DCDC1: variants seen among roughly 807,000 people sequenced by gnomAD.
DCDC1 encodes the protein doublecortin domain-containing protein 1.
In DCDC1, 200 loss-of-function variants were observed where a neutral mutation model predicts 178.3. That is an observed-to-expected ratio of 1.12 (90% CI 1.00 to 1.26). The LOEUF is 1.26. DCDC1 is among the 50% of genes most tolerant of loss of function. The pLI is 0.00. For missense variants in DCDC1, 1,983 were observed against 1,749.2 expected, an observed-to-expected ratio of 1.13 and a Z score of -2.38; for synonymous variants, 690 against 604.8, an observed-to-expected ratio of 1.14 and a Z score of -2.07.
intron 9 of DCDC1, among the ~76,000 whole-genome samples, chr11:31,212,679 A>G (rs976310896): frequency 6.6e-6 from 1 of 152,202 alleles, no homozygotes; most frequent in African/African-American, 2.4e-5. Context: ...AAAACGGTAT[A>G]TTAATTTATC....
intron 7 of DCDC1, among the ~76,000 whole-genome samples, chr11:31,275,309 C>A (rs2137216644): frequency 6.6e-6 from 1 of 152,198 alleles, no homozygotes; most frequent in East Asian, 1.9e-4. Context: ...AGTACCAGAG[C>A]ACTGACTTTT....
intron 20 of DCDC1, among the ~76,000 whole-genome samples, chr11:31,041,527 A>G (rs1954447113): frequency 6.6e-6 from 1 of 152,216 alleles, no homozygotes; most frequent in Admixed American, 6.5e-5. Context: ...GAAAAAGTGG[A>G]GACAGAAAGA....
At chr11:31,265,343 T>C (rs1055714784) in intron 8 of DCDC1, among the ~76,000 whole-genome samples, 164 bp downstream of exon 8, 1 of 152,108 alleles carries the variant, frequency 6.6e-6, no homozygotes, top group Admixed American at 6.6e-5. Flanking sequence ...ATTCCTAAAA[T>C]CTTAATGTCC....
In DCDC1 at chr11:30,949,965, G is replaced by T. The variant is rs1016625266; in HGVS notation, c.2715+2480C>A. 2.0e-5 allele frequency among the ~76,000 whole-genome samples: 3 copies of T among 152,194 alleles called. No individual in the cohort carries two copies. In the East Asian group the frequency reaches 5.8e-4, roughly 29 times the overall value. ...AAGTGTATACCCATTTAACAACCCT[G>T]CACGTTGTGTACCTGTACCCCAGAA... On this transcript the variant is annotated intron_variant, in intron 21 of 38. Transcript: ENST00000684477.
At position 30,892,256 on chromosome 11, in the gene DCDC1, A is replaced by C. The variant is rs551047166; in HGVS notation, c.5082+562T>G. ...ATCCTCTTTCCTTAGTCAATACTTT[A>C]ACTTTGGGAAGTGAGAATTCTGAGA... On this transcript the variant is annotated intron_variant, in intron 36 of 38. Transcript: ENST00000684477. Among the ~76,000 whole-genome samples, 7 of 152,300 alleles carry C rather than the reference A, an allele frequency of 4.6e-5. No individual in the cohort carries two copies. The East Asian group carries it at 9.6e-4, about 21-fold the overall frequency.
chr11:31,172,060 A>C (rs1411114775), intron 9 of DCDC1, among the ~76,000 whole-genome samples: 7 of 152,158 alleles, frequency 4.6e-5, no homozygotes, highest in African/African-American at 1.7e-4. Flanking sequence ...TGAATGAAAA[A>C]ACTGATGGTC....
chr11:30,915,172 C>T (rs373756361), intron 27 of DCDC1, among the ~76,000 whole-genome samples: 4 of 152,122 alleles, frequency 2.6e-5, no homozygotes, highest in East Asian at 1.9e-4. Flanking sequence ...AAATTGGGGA[C>T]GTTTTAGAAT....
At chr11:31,284,262 TAA>T (rs1946663621) in intron 7 of DCDC1, among the ~76,000 whole-genome samples, 2 of 152,176 alleles carry the variant, frequency 1.3e-5, no homozygotes, top group Non-Finnish European at 2.9e-5. Flanking sequence ...AAAGTAATAT[TAA>T]GAGAAGTTTT....
chr11:30,893,057 A>C, intron 35 of DCDC1, 60 bp from the exon 36 acceptor site: 1 of 1,559,628 alleles, frequency 6.4e-7, no homozygotes, highest in South Asian at 1.2e-5. Context: ...GTGTTTGTGA[A>C]GAATGTGATA....
rs758769469 is a variant in DCDC1, at chr11:30,938,609, TC to T, written c.2716-6658del. 2.0e-5 allele frequency among the ~76,000 whole-genome samples: 3 copies of T among 152,060 alleles called. No individual in the cohort carries two copies. In the South Asian group the frequency reaches 6.2e-4, roughly 32 times the overall value. ...TTGATCCAGCAGAGAGCATAACCCA[TC>T]TCTTCTTGTGAGGATGGGGTTTTAT... On this transcript the variant is annotated intron_variant, in intron 21 of 38. Coordinates refer to ENST00000684477, the MANE Select transcript of DCDC1 (RefSeq NM_001387274.1).
chr11:31,260,200 C>A (rs1346895474), intron 8 of DCDC1, among the ~76,000 whole-genome samples: 1 of 152,120 alleles, frequency 6.6e-6, no homozygotes, highest in Non-Finnish European at 1.5e-5. Context: ...TTTCTTTGCA[C>A]TTTAACTTGA....
rs933545323 is a variant in DCDC1, at chr11:31,046,005, CAT to C, written c.2591+18462_2591+18463del. ...AGATGTCACTAGTTATGCATGCACT[CAT>C]GTGTGTGTGTTTGCATGTGTGTGTA... On this transcript the variant is annotated intron_variant, in intron 20 of 38. Transcript: ENST00000684477. 1.4e-4 allele frequency among the ~76,000 whole-genome samples: 21 copies of C among 152,244 alleles called. No homozygotes were observed. In the South Asian group the frequency reaches 3.5e-3, roughly 26 times the overall value.
At chr11:30,979,728 A>T (rs1950290095) in intron 20 of DCDC1, among the ~76,000 whole-genome samples, 1 of 152,218 alleles carries the variant, frequency 6.6e-6, no homozygotes. Context: ...GTTTAGACAT[A>T]AAGAGCCTTA....
At chr11:31,219,645 A>G (rs1162616534) in intron 9 of DCDC1, among the ~76,000 whole-genome samples, 1 of 152,216 alleles carries the variant, frequency 6.6e-6, no homozygotes, top group Non-Finnish European at 1.5e-5. Context: ...GTTTATCAAC[A>G]AATATACCAA....
chr11:31,095,970 A>G (rs1958122925), intron 15 of DCDC1, among the ~76,000 whole-genome samples: 1 of 152,196 alleles, frequency 6.6e-6, no homozygotes, highest in African/African-American at 2.4e-5. Flanking sequence ...CTAACACTAA[A>G]ACATCCATTC....
chr11:30,918,680 G>C (rs1946033815), intron 25 of DCDC1, among the ~76,000 whole-genome samples: 1 of 152,186 alleles, frequency 6.6e-6, no homozygotes, highest in African/African-American at 2.4e-5. Flanking sequence ...TATGAAGCAA[G>C]ATTATGGTTA....
At chr11:30,939,514 C>G (rs748157283) in intron 21 of DCDC1, among the ~76,000 whole-genome samples, 17 of 152,240 alleles carry the variant, frequency 1.1e-4, no homozygotes, top group Admixed American at 5.2e-4. Flanking sequence ...ATTTATCCCT[C>G]ACCACACAAG....
At chr11:31,222,208 A>G (rs1303285598) in intron 9 of DCDC1, among the ~76,000 whole-genome samples, 1 of 151,948 alleles carries the variant, frequency 6.6e-6, no homozygotes, top group African/African-American at 2.4e-5. Context: ...GATTACAGGC[A>G]TGCACCACCA....
intron 18 of DCDC1, among the ~76,000 whole-genome samples, chr11:31,074,910 T>C (rs1163509192): frequency 1.3e-5 from 2 of 152,318 alleles, no homozygotes; most frequent in African/African-American, 4.8e-5. Context: ...TTATAATTAC[T>C]ATTATTTGTA....
Sources: allele counts gnomAD v4.1 joint callset (sites outside exome capture counted in the v4.1 genomes callset), GRCh38; gene constraint gnomAD v4.1.1; transcripts MANE v1.5; gene names NCBI Gene and HGNC (gene_info 2026-07-23, HGNC 2026-07-21).